The following CLCC1 variants were observed in gnomAD, a reference collection of about 807,000 sequenced individuals.
CLCC1 encodes chloride channel CLIC like 1.
A neutral mutation model predicts 63.3 loss-of-function variants in CLCC1; 39 were observed. The ratio of observed to expected loss-of-function variants is 0.62; its 90% CI spans 0.48 to 0.81. The LOEUF (loss-of-function observed/expected upper bound fraction) is 0.81, where lower values mean the gene tolerates loss of function less well. CLCC1 is among the 30% of genes least tolerant of loss of function. The pLI, the probability that CLCC1 is intolerant of heterozygous loss-of-function variation, is 0.00. For missense variants in CLCC1, 549 were observed against 669.4 expected, an observed-to-expected ratio of 0.82 and a Z score of 1.98; for synonymous variants, 217 against 239.8, an observed-to-expected ratio of 0.90 and a Z score of 0.88.
chr1:108,944,895 C>G (rs1437895769), intron 5 of CLCC1, among the ~76,000 whole-genome samples: 1 of 152,196 alleles, frequency 6.6e-6, no homozygotes, highest in Non-Finnish European at 1.5e-5. Flanking sequence ...TCCCAAAGTG[C>G]TGGGATTACA....
intron 1 of CLCC1, 60 bp downstream of exon 1, chr1:108,963,301 G>T (rs1014571128): frequency 1.5e-6 from 1 of 686,634 alleles, no homozygotes; most frequent in African/African-American, 1.8e-5. Flanking sequence ...ACCCGCCAGG[G>T]CGTAACGGCG....
At chr1:108,949,024 T>C (rs1654877510) in intron 4 of CLCC1, among the ~76,000 whole-genome samples, 1 of 152,230 alleles carries the variant, frequency 6.6e-6, no homozygotes, top group Admixed American at 6.5e-5. Flanking sequence ...AAGCTGGGAC[T>C]CATTCACTCT....
chr1:108,930,901 A>C lies in CLCC1; in HGVS notation c.*1646T>G, dbSNP rs1027519732. On this transcript the variant is annotated 3_prime_UTR_variant, in exon 13 of 13. Transcript: ENST00000369969. ...GCAAGACTCTGTCTCAAAAAAAAAA[A>C]AAACAGCAAGCATGCTGGCACACAC... The C allele has an allele frequency of 6.6e-5, 10 of 152,616 alleles. 2 individuals are homozygous for C. The highest frequency in any genetic ancestry group is 5.2e-4 in the Admixed American group (8 of 15,282). The allele number at this position is 152,616 out of a possible 1,614,324, so 9.5% of individuals were successfully genotyped here.
chr1:108,944,805 A>G (rs1292525705), intron 5 of CLCC1, among the ~76,000 whole-genome samples: 3 of 151,870 alleles, frequency 2.0e-5, no homozygotes, highest in South Asian at 4.2e-4. Flanking sequence ...AATTTTTTCT[A>G]TTTTTAGTAG....
intron 2 of CLCC1, among the ~76,000 whole-genome samples, chr1:108,951,717 T>C (rs1158117911): frequency 1.3e-5 from 2 of 151,646 alleles, no homozygotes; most frequent in South Asian, 2.1e-4. Flanking sequence ...AAAATTATAA[T>C]AATGGTTGCA....
intron 2 of CLCC1, among the ~76,000 whole-genome samples, chr1:108,951,238 C>T (rs887038743): frequency 6.6e-6 from 1 of 152,106 alleles, no homozygotes; most frequent in Non-Finnish European, 1.5e-5. Flanking sequence ...AAAAATTAGC[C>T]AGGCGTGGTA....
chr1:108,944,271 A>C (rs1197939501), intron 5 of CLCC1, among the ~76,000 whole-genome samples: 1 of 152,146 alleles, frequency 6.6e-6, no homozygotes, highest in Non-Finnish European at 1.5e-5. Flanking sequence ...GGACTTCAAG[A>C]CCAGCCTGGG....
At chr1:108,955,235 G>A (rs1460718628) in intron 2 of CLCC1, among the ~76,000 whole-genome samples, 4 of 151,404 alleles carry the variant, frequency 2.6e-5, no homozygotes, top group African/African-American at 7.4e-5. Context: ...AGGACAGTAA[G>A]TTGGCAAAAA....
At position 108,943,946 on chromosome 1, in the gene CLCC1, AG is replaced by A. The variant is rs756275609; in HGVS notation, c.450del (p.Leu151TrpfsTer5). 6.2e-7 allele frequency: 1 copy of A among 1,613,352 alleles called. No individual in the cohort carries two copies. Among genetic ancestry groups the A allele is most frequent in the Admixed American group, 1.7e-5 (1 of 60,016 alleles). On this transcript the variant is annotated frameshift_variant, in exon 6 of 13. Coordinates refer to ENST00000369969, the MANE Select transcript of CLCC1 (RefSeq NM_001377458.1). LOFTEE classifies it high-confidence loss of function. ...AAAATATCACTTAGTGCATCATCCA[AG>A]GCACCTGGTTTCCAGTCTTCTCCAT... is the stretch of plus-strand genomic sequence containing the variant. ...FLNGEDWKPG[A>X]LDDALSDILI...
At chr1:108,942,722 G>A (rs1017050645) in intron 7 of CLCC1, among the ~76,000 whole-genome samples, 5 of 152,020 alleles carry the variant, frequency 3.3e-5, no homozygotes, top group African/African-American at 1.2e-4. Flanking sequence ...TAAAATTATA[G>A]GTTATTTTAA....
In CLCC1 at chr1:108,963,286, G is replaced by C. The variant is rs538952209; in HGVS notation, c.-173+75C>G. On this transcript the variant is annotated intron_variant, in intron 1 of 12. Transcript: ENST00000369969. ...TCCCCAGCGTCTGCGCCGCGAGTCCGCTGGACCCGCCAGGGCGTAACGGCG... is the reference window on the plus strand; with the variant it reads ...TCCCCAGCGTCTGCGCCGCGAGTCCCCTGGACCCGCCAGGGCGTAACGGCG... 1.1e-4 allele frequency: 76 copies of C among 673,204 alleles called. No homozygotes were observed. In the South Asian group the frequency reaches 1.1e-3, roughly 10 times the overall value. The allele number at this position is 673,204 out of a possible 1,614,324, so 41.7% of individuals were successfully genotyped here. A position where few individuals can be genotyped will look rare whatever the true frequency, so the allele number is the denominator to read the frequency against.
At chr1:108,960,690 TTATAA>T (rs370368472) in intron 2 of CLCC1, among the ~76,000 whole-genome samples, 4 of 152,190 alleles carry the variant, frequency 2.6e-5, no homozygotes, top group South Asian at 2.1e-4. Flanking sequence ...AGATTTCATA[TTATAA>T]TATGATATGA....
At position 108,940,144 on chromosome 1, in the gene CLCC1, T is replaced by C; in HGVS notation, c.797-2A>G. 6.4e-7 allele frequency: 1 copy of C among 1,566,228 alleles called. No individual in the cohort carries two copies. The highest frequency in any genetic ancestry group is 8.8e-7 in the Non-Finnish European group (1 of 1,139,948). On this transcript the variant is annotated splice_acceptor_variant, in intron 8 of 12. Coordinates refer to ENST00000369969, the MANE Select transcript of CLCC1 (RefSeq NM_001377458.1). LOFTEE classifies it high-confidence loss of function. Reference sequence around the variant, plus strand: ...AGGTCCATGAACTTCTAAACCATTCTGTTTAGAGAAACAGACAAAACACTG... The same window carrying C: ...AGGTCCATGAACTTCTAAACCATTCCGTTTAGAGAAACAGACAAAACACTG...
intron 2 of CLCC1, among the ~76,000 whole-genome samples, chr1:108,953,589 A>AT (rs1426737358): frequency 6.6e-6 from 1 of 152,116 alleles, no homozygotes; most frequent in Non-Finnish European, 1.5e-5. Context: ...TTGTCCCTCC[A>AT]TCTCCCCAAC....
At chr1:108,942,513 T>C (rs928951299) in intron 7 of CLCC1, among the ~76,000 whole-genome samples, 2 of 152,188 alleles carry the variant, frequency 1.3e-5, no homozygotes, top group Non-Finnish European at 2.9e-5. Flanking sequence ...TCATTGAAAA[T>C]ACTTGGCTAC....
chr1:108,945,926 G>A (rs1466434661), intron 5 of CLCC1, among the ~76,000 whole-genome samples: 1 of 152,226 alleles, frequency 6.6e-6, no homozygotes, highest in Non-Finnish European at 1.5e-5. Flanking sequence ...ACTTTGGGAG[G>A]CCGAGGCGGT....
intron 2 of CLCC1, among the ~76,000 whole-genome samples, chr1:108,960,090 C>T (rs1433593100): frequency 9.9e-5 from 15 of 152,116 alleles, no homozygotes; most frequent in Admixed American, 5.2e-4. Flanking sequence ...GCCGAGATCA[C>T]GCCACTGCTC....
In CLCC1 at chr1:108,958,130, G is replaced by T. The variant is rs952595462; in HGVS notation, c.-12+4179C>A. On this transcript the variant is annotated intron_variant, in intron 2 of 12. Transcript: ENST00000369969. ...TGGATTTGGTACAGCAGCTTTAACA[G>T]AGAAAGCCTACCGGGAATGGTTAAA... is the stretch of plus-strand genomic sequence containing the variant. 7.9e-5 allele frequency among the ~76,000 whole-genome samples: 12 copies of T among 151,422 alleles called. 1 individual carries two copies. The highest frequency in any genetic ancestry group is 2.9e-4 in the African/African-American group (12 of 40,690).
rs1374274545 is a variant in CLCC1, at chr1:108,943,934, G to T, written c.463C>A (p.Leu155Ile). ...TTAAAATTAATTAAAATATCACTTA[G>T]TGCATCATCCAAGGCACCTGGTTTC... is the stretch of plus-strand genomic sequence containing the variant. Reference protein sequence around the residue: ...DWKPGALDDALSDILINFKFH... With the variant: ...DWKPGALDDAISDILINFKFH... The change falls in exon 6 of 13, where the codon CTA (leucine) becomes ATA (isoleucine). Residue 155 changes from leucine to isoleucine, a missense_variant. Physicochemically the swap from Leu to Ile is conservative, Grantham distance 5. Coordinates refer to ENST00000369969, the MANE Select transcript of CLCC1 (RefSeq NM_001377458.1). 6.2e-7 allele frequency: 1 copy of T among 1,612,884 alleles called. No homozygotes were observed. Among genetic ancestry groups the T allele is most frequent in the Non-Finnish European group, 8.5e-7 (1 of 1,179,162 alleles).
Sources: allele counts gnomAD v4.1 joint callset (sites outside exome capture counted in the v4.1 genomes callset), GRCh38; gene constraint gnomAD v4.1.1; transcripts MANE v1.5; gene names NCBI Gene and HGNC (gene_info 2026-07-23, HGNC 2026-07-21).